Variants in EIF4H observed in about 807,000 individuals in gnomAD.
EIF4H encodes the protein eukaryotic translation initiation factor 4H.
EIF4H carries 8 observed loss-of-function variants against 30.6 expected under a neutral mutation model. The observed-to-expected ratio is 0.26, with a 90% CI of 0.15 to 0.47. The LOEUF is 0.47. Ranked by LOEUF, EIF4H falls within the 20% of genes least tolerant of loss-of-function variation. The pLI is 0.99. For missense variants in EIF4H, 188 were observed against 339.5 expected, an observed-to-expected ratio of 0.55 and a Z score of 3.51; for synonymous variants, 106 against 122.7, an observed-to-expected ratio of 0.86 and a Z score of 0.90.
At position 74,196,589 on chromosome 7, in the gene EIF4H, T is replaced by C. The variant is rs1801358882; in HGVS notation, c.*1281T>C. ...ATCCTTCAGTACCCAAGTCCCAGTC[T>C]GTCCTATGGGGAGCAGTTTGGGGGC... On this transcript the variant is annotated 3_prime_UTR_variant, in exon 7 of 7. Coordinates refer to ENST00000265753, the MANE Select transcript of EIF4H (RefSeq NM_022170.2). 6.6e-6 allele frequency: 1 copy of C among 151,820 alleles called. No individual in the cohort carries two copies. Among genetic ancestry groups the C allele is most frequent in the South Asian group, 2.1e-4 (1 of 4,802 alleles). The allele number at this position is 151,820 out of a possible 1,614,324, so 9.4% of individuals were successfully genotyped here. A position where few individuals can be genotyped will look rare whatever the true frequency, so the allele number is the denominator to read the frequency against.
intron 2 of EIF4H, 139 bp from the exon 3 acceptor site, chr7:74,189,534 A>G (rs759585992): frequency 9.1e-6 from 8 of 877,904 alleles, no homozygotes; most frequent in African/African-American, 1.7e-5. Context: ...GGTTCTATCT[A>G]TTGAAAGGCT....
At chr7:74,182,669 G>A (rs560387583) in intron 1 of EIF4H, among the ~76,000 whole-genome samples, 25 of 152,332 alleles carry the variant, frequency 1.6e-4, no homozygotes, top group South Asian at 4.1e-4. Flanking sequence ...AAAGTGCTGG[G>A]ACTACAGGCC....
chr7:74,186,821 T>A lies in EIF4H; in HGVS notation c.60-790T>A, dbSNP rs1182809930. Among the ~76,000 whole-genome samples the A allele has an allele frequency of 2.9e-4, 24 of 84,038 alleles. 1 individual carries two copies. The highest frequency in any genetic ancestry group is 4.4e-4 in the South Asian group (1 of 2,264). The allele number at this position is 84,038 out of a possible 152,430, so 55.1% of individuals were successfully genotyped here. A position where few individuals can be genotyped will look rare whatever the true frequency, so the allele number is the denominator to read the frequency against. On this transcript the variant is annotated intron_variant, in intron 1 of 6. Coordinates refer to ENST00000265753, the MANE Select transcript of EIF4H (RefSeq NM_022170.2). ...TTTTTTTTTTTTTTTTTTTTTTTTTTTTTTTTTTTTTTTTTTTTTGAGACG... is the reference window on the plus strand; with the variant it reads ...TTTTTTTTTTTTTTTTTTTTTTTTTATTTTTTTTTTTTTTTTTTTGAGACG...
chr7:74,187,107 T>C (rs899395893), intron 1 of EIF4H, among the ~76,000 whole-genome samples: 2 of 152,024 alleles, frequency 1.3e-5, no homozygotes, highest in African/African-American at 4.8e-5. Flanking sequence ...TCTGAGTGAA[T>C]AGGAGAGAAG....
At chr7:74,182,264 T>C (rs1426184802) in intron 1 of EIF4H, among the ~76,000 whole-genome samples, 3 of 152,226 alleles carry the variant, frequency 2.0e-5, no homozygotes, top group Non-Finnish European at 2.9e-5. Flanking sequence ...CTCTTCTCTA[T>C]ACTACTATGG....
chr7:74,184,588 CTG>C (rs1216858993), intron 1 of EIF4H, among the ~76,000 whole-genome samples: 5 of 151,840 alleles, frequency 3.3e-5, no homozygotes, highest in South Asian at 2.1e-4. Flanking sequence ...TGAATTTAAA[CTG>C]TTTTTAACAT....
At chr7:74,194,675 A>T (rs112205033) in intron 5 of EIF4H, 66 bp from the exon 6 acceptor site, 6 of 1,480,178 alleles carry the variant, frequency 4.1e-6, no homozygotes, top group Non-Finnish European at 5.4e-6. Context: ...TTCCCAGAAC[A>T]TTATTCTATA....
At chr7:74,192,598 G>GT (rs1374074677) in intron 5 of EIF4H, among the ~76,000 whole-genome samples, 4 of 151,830 alleles carry the variant, frequency 2.6e-5, no homozygotes, top group African/African-American at 9.7e-5. Context: ...AGCCCGTGCG[G>GT]TGCTGCTCCT....
At chr7:74,184,883 G>C (rs2115960365) in intron 1 of EIF4H, among the ~76,000 whole-genome samples, 1 of 152,212 alleles carries the variant, frequency 6.6e-6, no homozygotes, top group East Asian at 1.9e-4. Context: ...GTTTTACCAT[G>C]TTGGCCAGGC....
intron 1 of EIF4H, among the ~76,000 whole-genome samples, chr7:74,176,409 A>G (rs1800841303): frequency 6.6e-6 from 1 of 151,904 alleles, no homozygotes; most frequent in Non-Finnish European, 1.5e-5. Flanking sequence ...GGCCTCAATT[A>G]TTTTAATTAT....
Position 74,189,934 on chromosome 7 carries a change from A to G in EIF4H, c.409+16A>G, listed in dbSNP as rs752929081. 11 of 1,613,072 alleles carry G rather than the reference A, an allele frequency of 6.8e-6. No homozygotes were observed. Among genetic ancestry groups the G allele is most frequent in the African/African-American group, 5.3e-5 (4 of 74,926 alleles). ...GATGACAGAGGTGATTGGTTCTTCT[A>G]AAGCTGAACATCATAAAGATTTGCA... is the stretch of plus-strand genomic sequence containing the variant. On this transcript the variant is annotated intron_variant, in intron 4 of 6. Coordinates refer to ENST00000265753, the MANE Select transcript of EIF4H (RefSeq NM_022170.2).
intron 2 of EIF4H, among the ~76,000 whole-genome samples, chr7:74,189,126 G>A (rs1221790735): frequency 6.6e-6 from 1 of 152,154 alleles, no homozygotes; most frequent in Admixed American, 6.6e-5. Context: ...TGGCATCAGG[G>A]ACACAGGTTG....
intron 1 of EIF4H, among the ~76,000 whole-genome samples, chr7:74,180,612 G>A (rs896276737): frequency 1.3e-5 from 2 of 152,228 alleles, no homozygotes; most frequent in Non-Finnish European, 2.9e-5. Context: ...GTGGAATATT[G>A]TGAACCATTC....
chr7:74,174,469 C>T (rs782215401), intron 1 of EIF4H, 27 bp downstream of exon 1: 9 of 1,391,150 alleles, frequency 6.5e-6, no homozygotes, highest in African/African-American at 1.5e-5. Context: ...CGGGCCCCGT[C>T]GGGGGCTGCG....
intron 2 of EIF4H, among the ~76,000 whole-genome samples, chr7:74,188,651 C>T (rs1293010992): frequency 1.3e-5 from 2 of 152,084 alleles, no homozygotes; most frequent in Admixed American, 6.6e-5. Context: ...GAAGTAAGCT[C>T]CAGGAAGCAT....
chr7:74,186,692 ATT>A (rs1801086546), intron 1 of EIF4H, among the ~76,000 whole-genome samples: 1 of 147,664 alleles, frequency 6.8e-6, no homozygotes, highest in Admixed American at 6.9e-5. Context: ...CCTGTGAAGT[ATT>A]GCACGAGAGT....
intron 6 of EIF4H, 84 bp from the exon 7 acceptor site, chr7:74,195,085 T>G: frequency 6.4e-7 from 1 of 1,565,716 alleles, no homozygotes. Context: ...TGGGCTGGTT[T>G]GCTGACAGCA....
chr7:74,186,993 A>G (rs1801099395), intron 1 of EIF4H, among the ~76,000 whole-genome samples: 1 of 152,038 alleles, frequency 6.6e-6, no homozygotes, highest in Admixed American at 6.6e-5. Flanking sequence ...TCTTCTGAAT[A>G]CAACATTACT....
chr7:74,194,652 G>T (rs2116000661), intron 5 of EIF4H, 89 bp from the exon 6 acceptor site: 1 of 1,443,976 alleles, frequency 6.9e-7, no homozygotes, highest in Non-Finnish European at 9.2e-7. Flanking sequence ...AATTTAAAAT[G>T]AAACTCAAAC....
Sources: allele counts gnomAD v4.1 joint callset (sites outside exome capture counted in the v4.1 genomes callset), GRCh38; gene constraint gnomAD v4.1.1; transcripts MANE v1.5; gene names NCBI Gene and HGNC (gene_info 2026-07-23, HGNC 2026-07-21).